Variants in OSBPL5 observed in about 807,000 individuals in gnomAD.
OSBPL5 encodes the protein oxysterol binding protein like 5, also known as oxysterol-binding protein-related protein 5.
OSBPL5 carries 71 observed loss-of-function variants against 111.2 expected under a neutral mutation model. The ratio of observed to expected loss-of-function variants is 0.64; its 90% confidence interval spans 0.53 to 0.78. The LOEUF (loss-of-function observed/expected upper bound fraction) is 0.78, where lower values mean the gene tolerates loss of function less well. Among genes scored for constraint, OSBPL5 ranks in the 30% least tolerant of loss-of-function variants. OSBPL5 has a pLI of 0.00. For synonymous variants in OSBPL5, 549 were observed against 513.9 expected, an observed-to-expected ratio of 1.07 and a Z score of -0.93; for missense variants, 1,210 against 1,189.3, an observed-to-expected ratio of 1.02 and a Z score of -0.26.
chr11:3,150,892 G>A (rs942042781), intron 1 of OSBPL5, among the ~76,000 whole-genome samples: 4 of 152,170 alleles, frequency 2.6e-5, no homozygotes, highest in African/African-American at 9.7e-5. Context: ...ATCCTAGTCC[G>A]TCTTCCCAGG....
At position 3,088,159 on chromosome 11, in the gene OSBPL5, G is replaced by A. The variant is rs1472864142; in HGVS notation, c.*46C>T. On this transcript the variant is annotated 3_prime_UTR_variant, in exon 22 of 22. Transcript: ENST00000263650. ...AGCAGGCTTAAAGTGCTGGGTGCCTGGGAGGGAGGGCTCAGGACCGGCCAG... is the reference window on the plus strand; with the variant it reads ...AGCAGGCTTAAAGTGCTGGGTGCCTAGGAGGGAGGGCTCAGGACCGGCCAG... The A allele has an allele frequency of 4.0e-6, 6 of 1,486,966 alleles. No individual in the cohort carries two copies. In the African/African-American group the frequency reaches 8.5e-5, roughly 21 times the overall value. 92.1% of individuals were successfully genotyped at this position (1,486,966 alleles called of 1,614,324 possible).
chr11:3,131,881 CCA>C, intron 1 of OSBPL5, among the ~76,000 whole-genome samples: 3 of 144,294 alleles, frequency 2.1e-5, no homozygotes, highest in African/African-American at 7.8e-5. Flanking sequence ...ATCCATCCAC[CCA>C]TCCACCCACC....
At chr11:3,156,830 G>T (rs920836467) in intron 1 of OSBPL5, among the ~76,000 whole-genome samples, 2 of 152,186 alleles carry the variant, frequency 1.3e-5, no homozygotes, top group Admixed American at 1.3e-4. Flanking sequence ...CTCCCACCAC[G>T]TCCCGAGGCA....
At position 3,105,228 on chromosome 11, in the gene OSBPL5, C is replaced by A. The variant is rs945396676; in HGVS notation, c.1060-851G>T. Among the ~76,000 whole-genome samples, 1 of 152,216 alleles carries A rather than the reference C, an allele frequency of 6.6e-6. No homozygotes were observed. The highest frequency in any genetic ancestry group is 6.5e-5 in the Admixed American group (1 of 15,284). On this transcript the variant is annotated intron_variant, in intron 9 of 21. Transcript: ENST00000263650. This position sits in a 1 kb window ranked among gnomAD's most constrained non-coding sequence, Gnocchi z 5.2. ...AACTCAGGGCTCTCTGCATTTTTAG[C>A]CCAACGGCAGCTGCCCCAGGGAGCG...
rs1858087281 is a variant in OSBPL5, at chr11:3,113,589, G to A, written c.692-5644C>T. ...AGAATTGCTTGACCTGGGAGGCAGA[G>A]GTAACAGTGAGCCAAGATCGCACCA... On this transcript the variant is annotated intron_variant, in intron 7 of 21. Coordinates refer to ENST00000263650, the MANE Select transcript of OSBPL5 (RefSeq NM_020896.4). The surrounding 1 kb of genome is among the most constrained non-coding windows in gnomAD (Gnocchi z 4.8). 6.6e-6 allele frequency among the ~76,000 whole-genome samples: 1 copy of A among 151,932 alleles called. No individual in the cohort carries two copies. The highest frequency in any genetic ancestry group is 2.4e-5 in the African/African-American group (1 of 41,348).
At chr11:3,138,124 A>G (rs965411415) in intron 1 of OSBPL5, among the ~76,000 whole-genome samples, 7 of 152,292 alleles carry the variant, frequency 4.6e-5, no homozygotes, top group Admixed American at 3.3e-4. Flanking sequence ...CGGCCAGGCC[A>G]GCCCGTCCCC....
chr11:3,122,137 C>A, intron 4 of OSBPL5, 39 bp from the exon 5 acceptor site: 1 of 1,525,664 alleles, frequency 6.6e-7, no homozygotes. Context: ...TGGGAGAAGG[C>A]ACCGAGCTGC....
chr11:3,088,281 A>G lies in OSBPL5; in HGVS notation c.2564T>C (p.Leu855Pro). ...RAAQAPTPGL[L>P]QSPRSWFLLC... ...CAGGAACCAGGATCGGGGGCTCTGC[A>G]GGAGGCCTGGGGTCGGTGCCTGTGC... Residue 855 changes from leucine to proline, a missense_variant, in exon 22 of 22, where the codon CTG (leucine) becomes CCG (proline). By Grantham distance (98) the Leu-to-Pro change is moderately conservative. Transcript: ENST00000263650. The G allele has an allele frequency of 1.2e-6, 2 of 1,608,470 alleles. No homozygotes were observed. The highest frequency in any genetic ancestry group is 1.7e-6 in the Non-Finnish European group (2 of 1,177,666).
At chr11:3,119,993 G>A in intron 6 of OSBPL5, 1 of 417,756 alleles carries the variant, frequency 2.4e-6, no homozygotes. Flanking sequence ...CATGACTGGG[G>A]TCATACTAGC....
intron 17 of OSBPL5, chr11:3,093,318 C>A (rs1302135822): frequency 1.2e-6 from 1 of 854,512 alleles, no homozygotes; most frequent in Admixed American, 2.9e-5. Context: ...AGTGAGAGGT[C>A]ACGGCAGCCG....
chr11:3,128,423 T>G (rs2134473778), intron 2 of OSBPL5, among the ~76,000 whole-genome samples: 1 of 152,304 alleles, frequency 6.6e-6, no homozygotes, highest in East Asian at 1.9e-4. Context: ...CAGCCTTGGC[T>G]GGGGCAGGGG....
chr11:3,160,095 C>T (rs1333433987), intron 1 of OSBPL5, among the ~76,000 whole-genome samples: 5 of 152,128 alleles, frequency 3.3e-5, no homozygotes, highest in Non-Finnish European at 7.4e-5. Flanking sequence ...CACCCTGGTG[C>T]CTGCTGGCTC....
At chr11:3,156,169 C>G (rs1846752216) in intron 1 of OSBPL5, among the ~76,000 whole-genome samples, 1 of 152,134 alleles carries the variant, frequency 6.6e-6, no homozygotes, top group Non-Finnish European at 1.5e-5. Flanking sequence ...GGCTGCTGAC[C>G]CCACCCCAGG....
Position 3,103,908 on chromosome 11 carries a change from C to A in OSBPL5, c.1244+285G>T, listed in dbSNP as rs113101350. On this transcript the variant is annotated intron_variant, in intron 10 of 21. Transcript: ENST00000263650. ...GCCCCATTCCTGCCTCTGCAGCCCC[C>A]TTCCTGCCTCTGCAGCCCATCCCAT... is the stretch of plus-strand genomic sequence containing the variant. Among the ~76,000 whole-genome samples the A allele has an allele frequency of 1.5e-3, 175 of 118,302 alleles. 1 individual carries two copies. Among genetic ancestry groups the A allele is most frequent in the South Asian group, 3.4e-3 (12 of 3,538 alleles). The allele number at this position is 118,302 out of a possible 152,430, so 77.6% of individuals were successfully genotyped here.
chr11:3,111,534 G>A lies in OSBPL5; in HGVS notation c.692-3589C>T, dbSNP rs368510846. Among the ~76,000 whole-genome samples the A allele has an allele frequency of 3.4e-4, 51 of 152,212 alleles. 1 individual carries two copies. Among genetic ancestry groups the A allele is most frequent in the Admixed American group, 2.3e-3 (35 of 15,304 alleles). ...CGTAAGTTGTGCGATTGTTTGTTTC[G>A]CTTAACTGTTTTTTTGTTGTTGATT... On this transcript the variant is annotated intron_variant, in intron 7 of 21. Transcript: ENST00000263650.
Position 3,094,334 on chromosome 11 carries a change from C to A in OSBPL5, c.1622G>T (p.Gly541Val). 6.2e-7 allele frequency: 1 copy of A among 1,613,166 alleles called. No individual in the cohort carries two copies. Among genetic ancestry groups the A allele is most frequent in the East Asian group, 2.2e-5 (1 of 44,890 alleles). Residue 541 changes from glycine to valine, a missense_variant and splice_region_variant, in exon 15 of 22, where the codon GGA becomes GTA. Physicochemically the swap from Gly to Val is moderately radical, Grantham distance 109. Transcript: ENST00000263650. ...TLTMPYAHCKGILYGTMTLEL... is the reference protein window; with the variant it reads ...TLTMPYAHCKVILYGTMTLEL... ...CAGGGTCATCGTGCCATACAGGATT[C>A]CTGAAATGCAGCCAGTGTCAGGGGC... is the stretch of plus-strand genomic sequence containing the variant.
At position 3,154,407 on chromosome 11, in the gene OSBPL5, G is replaced by A. The variant is rs1200439685; in HGVS notation, c.-22+10809C>T. Among the ~76,000 whole-genome samples, 3 of 152,224 alleles carry A rather than the reference G, an allele frequency of 2.0e-5. No individual in the cohort carries two copies. The highest frequency in any genetic ancestry group is 1.9e-4 in the East Asian group (1 of 5,190). ...CGTGTGGCACAGGCGGGGTGAGCCC[G>A]GAAGGGTGAGCATGCGCCTGCTGAC... On this transcript the variant is annotated intron_variant, in intron 1 of 21. Transcript: ENST00000263650. This position sits in a 1 kb window ranked among gnomAD's most constrained non-coding sequence, Gnocchi z 4.9.
chr11:3,101,937 C>G (rs894619477), intron 12 of OSBPL5, among the ~76,000 whole-genome samples: 35 of 152,300 alleles, frequency 2.3e-4, no homozygotes, highest in African/African-American at 8.4e-4. Flanking sequence ...GGAGATGGGA[C>G]ACACTGTCCT....
chr11:3,146,249 C>T lies in OSBPL5; in HGVS notation c.-21-17080G>A, dbSNP rs1053647370. 2 of 152,236 alleles carry T rather than the reference C, an allele frequency of 1.3e-5. No homozygotes were observed. The highest frequency in any genetic ancestry group is 2.4e-5 in the African/African-American group (1 of 41,436). The allele number at this position is 152,236 out of a possible 1,614,324, so 9.4% of individuals were successfully genotyped here. On this transcript the variant is annotated intron_variant, in intron 1 of 21. Coordinates refer to ENST00000263650, the MANE Select transcript of OSBPL5 (RefSeq NM_020896.4). This position sits in a 1 kb window ranked among gnomAD's most constrained non-coding sequence, Gnocchi z 7.8. ...CCCTTATGAGCTGCGCCCCCACCCC[C>T]AAACCCACCTCTGGGGAAGTCTGTT...
Sources: allele counts gnomAD v4.1 joint callset (sites outside exome capture counted in the v4.1 genomes callset), GRCh38; gene constraint gnomAD v4.1.1; non-coding constraint Gnocchi (gnomAD v3.1); transcripts MANE v1.5; gene names NCBI Gene and HGNC (gene_info 2026-07-23, HGNC 2026-07-21).